SPOCK3: variants seen among roughly 807,000 people sequenced by gnomAD.
SPOCK3 encodes testican-3.
Under a neutral mutation model 56.6 loss-of-function variants are expected in SPOCK3, and 30 were observed. That is an observed-to-expected ratio of 0.53 (90% CI 0.40 to 0.72). The LOEUF (loss-of-function observed/expected upper bound fraction) is 0.72, where lower values mean the gene tolerates loss of function less well. Among genes scored for constraint, SPOCK3 ranks in the 30% least tolerant of loss-of-function variants. The probability of loss-of-function intolerance (pLI) is 0.00; values close to 1 mark genes in which losing one functional copy is unlikely to be tolerated. For missense variants in SPOCK3, 527 were observed against 530.0 expected, an observed-to-expected ratio of 0.99 and a Z score of 0.06; for synonymous variants, 196 against 183.3, an observed-to-expected ratio of 1.07 and a Z score of -0.56.
intron 4 of SPOCK3, among the ~76,000 whole-genome samples, chr4:166,918,722 T>C (rs772259558): frequency 6.6e-6 from 1 of 152,160 alleles, no homozygotes; most frequent in Non-Finnish European, 1.5e-5. Context: ...CTAAGATAAA[T>C]TAACTACAAT....
chr4:167,150,214 AAGAC>A (rs1387238450), intron 2 of SPOCK3, among the ~76,000 whole-genome samples: 1 of 152,146 alleles, frequency 6.6e-6, no homozygotes, highest in Non-Finnish European at 1.5e-5. Flanking sequence ...TCTGGCAATA[AAGAC>A]CCTATTAAAT....
intron 8 of SPOCK3, among the ~76,000 whole-genome samples, chr4:166,744,835 T>A (rs1293725790): frequency 2.0e-5 from 3 of 152,066 alleles, no homozygotes; most frequent in African/African-American, 7.2e-5. Flanking sequence ...AACTACGTGA[T>A]GCGTGCATAA....
At position 167,205,372 on chromosome 4, in the gene SPOCK3, A is replaced by ATATATTT. The variant is rs1561321739; in HGVS notation, c.189+28612_189+28613insAAATATA. On this transcript the variant is annotated intron_variant, in intron 2 of 10. Coordinates refer to ENST00000357545, the MANE Select transcript of SPOCK3 (RefSeq NM_001040159.2). Reference sequence around the variant, plus strand: ...ATATAATATATATATTATATATTTTATATATATAATATATATATTTTATAT... The same window carrying ATATATTT: ...ATATAATATATATATTATATATTTTATATATTTTATATATAATATATATATTTTATAT... Among the ~76,000 whole-genome samples the ATATATTT allele has an allele frequency of 4.3e-4, 15 of 35,128 alleles. 1 individual carries two copies. Among genetic ancestry groups the ATATATTT allele is most frequent in the African/African-American group, 2.6e-3 (14 of 5,442 alleles). 23.0% of individuals were successfully genotyped at this position (35,128 alleles called of 152,430 possible).
At chr4:166,941,420 TA>T (rs773107059) in intron 4 of SPOCK3, among the ~76,000 whole-genome samples, 50 of 152,360 alleles carry the variant, frequency 3.3e-4, no homozygotes, top group Non-Finnish European at 6.8e-4. Context: ...TTTCCTTTTT[TA>T]TCAATTGCAG....
chr4:167,222,797 ATT>A (rs1247521652), intron 2 of SPOCK3, among the ~76,000 whole-genome samples: 1 of 120,940 alleles, frequency 8.3e-6, no homozygotes, highest in East Asian at 2.4e-4. Flanking sequence ...ATAGATATAT[ATT>A]GATATATGAA....
intron 3 of SPOCK3, among the ~76,000 whole-genome samples, chr4:167,034,176 C>T (rs554220260): frequency 1.6e-4 from 25 of 151,828 alleles, no homozygotes; most frequent in Non-Finnish European, 3.1e-4. Flanking sequence ...TTAAATGCAG[C>T]CAATCTAGGA....
At chr4:167,164,530 T>A (rs1051875761) in intron 2 of SPOCK3, among the ~76,000 whole-genome samples, 1 of 152,028 alleles carries the variant, frequency 6.6e-6, no homozygotes, top group South Asian at 2.1e-4. Context: ...CCTATCAACC[T>A]GTCATCTAGG....
At chr4:166,917,956 T>C (rs1014083286) in intron 4 of SPOCK3, among the ~76,000 whole-genome samples, 4 of 152,196 alleles carry the variant, frequency 2.6e-5, no homozygotes, top group African/African-American at 9.6e-5. Context: ...TTCTGTGGAA[T>C]ATCTCAACTG....
intron 4 of SPOCK3, among the ~76,000 whole-genome samples, chr4:166,948,881 T>C (rs930640479): frequency 3.3e-5 from 5 of 152,022 alleles, no homozygotes; most frequent in Non-Finnish European, 5.9e-5. Context: ...TGAATCTGAA[T>C]GTTGGCCTGC....
chr4:167,131,654 A>G (rs1171137975), intron 2 of SPOCK3, among the ~76,000 whole-genome samples: 1 of 152,172 alleles, frequency 6.6e-6, no homozygotes, highest in African/African-American at 2.4e-5. Flanking sequence ...GGGAGTATAC[A>G]GATAACAGTC....
chr4:166,917,762 T>A (rs1171927406), intron 4 of SPOCK3, among the ~76,000 whole-genome samples: 1 of 152,048 alleles, frequency 6.6e-6, no homozygotes, highest in Admixed American at 6.6e-5. Flanking sequence ...ACTGTTAAAT[T>A]TCCTGAGGCC....
At chr4:167,148,907 TCAAA>T (rs1232146188) in intron 2 of SPOCK3, among the ~76,000 whole-genome samples, 3 of 152,224 alleles carry the variant, frequency 2.0e-5, no homozygotes, top group African/African-American at 7.2e-5. Flanking sequence ...TATTTTAGAA[TCAAA>T]CAACATCTAA....
intron 8 of SPOCK3, among the ~76,000 whole-genome samples, chr4:166,752,138 C>T (rs546300340): frequency 1.0e-3 from 158 of 152,054 alleles, no homozygotes; most frequent in Non-Finnish European, 1.9e-3. Context: ...CCTTCTCCTG[C>T]CTCAGATCCC....
chr4:167,061,894 G>T (rs1309056387), intron 3 of SPOCK3, among the ~76,000 whole-genome samples: 1 of 151,804 alleles, frequency 6.6e-6, no homozygotes, highest in Non-Finnish European at 1.5e-5. Flanking sequence ...ATTGCTTGGG[G>T]CTTGATGTGT....
intron 7 of SPOCK3, among the ~76,000 whole-genome samples, chr4:166,778,659 T>A (rs983697697): frequency 6.6e-6 from 1 of 152,130 alleles, no homozygotes; most frequent in Non-Finnish European, 1.5e-5. Flanking sequence ...GGTTCCACTT[T>A]CAGTAATTGT....
At chr4:167,112,373 A>G (rs1386137756) in intron 2 of SPOCK3, among the ~76,000 whole-genome samples, 1 of 152,156 alleles carries the variant, frequency 6.6e-6, no homozygotes, top group Non-Finnish European at 1.5e-5. Flanking sequence ...ATAGTGTATT[A>G]AAGCATATTT....
intron 6 of SPOCK3, among the ~76,000 whole-genome samples, chr4:166,888,787 T>C (rs1734462557): frequency 6.6e-6 from 1 of 151,950 alleles, no homozygotes; most frequent in South Asian, 2.1e-4. Context: ...CTTACTACTT[T>C]ATCAATAATC....
intron 6 of SPOCK3, among the ~76,000 whole-genome samples, chr4:166,859,136 G>A (rs1184032111): frequency 6.6e-6 from 1 of 152,140 alleles, no homozygotes; most frequent in Non-Finnish European, 1.5e-5. Flanking sequence ...CAAGTTTGTA[G>A]CCTAGGAGCA....
intron 2 of SPOCK3, among the ~76,000 whole-genome samples, chr4:167,062,840 C>T (rs1370982964): frequency 3.3e-5 from 5 of 151,768 alleles, no homozygotes; most frequent in African/African-American, 1.2e-4. Flanking sequence ...GCCACTTCTC[C>T]TAAATATTAC....
Sources: allele counts gnomAD v4.1 joint callset (sites outside exome capture counted in the v4.1 genomes callset), GRCh38; gene constraint gnomAD v4.1.1; transcripts MANE v1.5; gene names NCBI Gene and HGNC (gene_info 2026-07-23, HGNC 2026-07-21).